Variants in FAM227A observed in about 807,000 individuals in gnomAD.
FAM227A encodes the protein protein FAM227A.
FAM227A carries 80 observed loss-of-function variants against 74.7 expected under a neutral mutation model. That is an observed-to-expected ratio of 1.07 (90% CI 0.89 to 1.29). The LOEUF is 1.29. FAM227A is among the 50% of genes most tolerant of loss of function. The pLI is 0.00. For synonymous variants in FAM227A, 237 were observed against 241.8 expected, an observed-to-expected ratio of 0.98 and a Z score of 0.19; for missense variants, 654 against 683.4, an observed-to-expected ratio of 0.96 and a Z score of 0.48.
chr22:38,621,529 T>C (rs1031882322), intron 10 of FAM227A, among the ~76,000 whole-genome samples: 3 of 152,094 alleles, frequency 2.0e-5, no homozygotes, highest in South Asian at 4.2e-4. Flanking sequence ...CGCTTGAACC[T>C]GGGAGGTGGA....
intron 13 of FAM227A, among the ~76,000 whole-genome samples, chr22:38,604,101 C>A (rs372151774): frequency 4.6e-5 from 7 of 152,040 alleles, no homozygotes; most frequent in South Asian, 4.2e-4. Flanking sequence ...CCGAAGGGGG[C>A]GGATCACCTG....
chr22:38,639,690 A>C lies in FAM227A; in HGVS notation c.260T>G (p.Leu87Ter). ...IERFELEKKA[L>*]REKTRSSPED... ...TGGACTGCTGCGAGTTTTCTCTCTT[A>C]AAGCCTTCTTCTCCAACTCAAATCT... The change falls in exon 4 of 17, where the codon TTA becomes TGA. Residue 87 changes from leucine (L) to a stop codon, truncating the protein, a stop_gained. Coordinates refer to ENST00000535113, the MANE Select transcript of FAM227A (RefSeq NM_001013647.2). LOFTEE classifies it high-confidence loss of function. 6.4e-7 allele frequency: 1 copy of C among 1,551,892 alleles called. No homozygotes were observed. The highest frequency in any genetic ancestry group is 8.7e-7 in the Non-Finnish European group (1 of 1,146,990).
At chr22:38,654,464 T>C (rs373297454) in intron 1 of FAM227A, among the ~76,000 whole-genome samples, 24 of 152,038 alleles carry the variant, frequency 1.6e-4, no homozygotes, top group African/African-American at 5.1e-4. Flanking sequence ...GCCATCAAAA[T>C]AGCACTAGCT....
chr22:38,612,752 GGAGTA>G (rs1218710974), intron 11 of FAM227A, among the ~76,000 whole-genome samples: 1 of 151,958 alleles, frequency 6.6e-6, no homozygotes, highest in Non-Finnish European at 1.5e-5. Flanking sequence ...GGTTTTTCAA[GGAGTA>G]GAGTAGAACT....
chr22:38,623,409 C>T, intron 9 of FAM227A, 130 bp from the exon 10 acceptor site: 1 of 578,506 alleles, frequency 1.7e-6, no homozygotes, highest in Non-Finnish European at 3.1e-6. Flanking sequence ...CATAGTGGGA[C>T]TCCGTCTCTA....
chr22:38,626,881 AAAAAAAAAAAAT>A (rs1569220767), intron 8 of FAM227A, among the ~76,000 whole-genome samples: 1 of 106,720 alleles, frequency 9.4e-6, no homozygotes, highest in Non-Finnish European at 1.9e-5. Flanking sequence ...AAAAAAAAAA[AAAAAAAAAAAAT>A]ATATATATAT....
Position 38,599,736 on chromosome 22 carries a change from C to T in FAM227A, c.1379+28G>A, listed in dbSNP as rs1159752325. 22 of 1,541,236 alleles carry T rather than the reference C, an allele frequency of 1.4e-5. 1 individual carries two copies. The highest frequency in any genetic ancestry group is 6.1e-5 in the South Asian group (5 of 82,126). ...GAGGACGCGGGGGCCTGGAGCAGTG[C>T]GCACCCTGCCCACAGTGACAAGGAT... On this transcript the variant is annotated intron_variant, in intron 14 of 16. Transcript: ENST00000535113.
intron 3 of FAM227A, among the ~76,000 whole-genome samples, chr22:38,640,715 G>C (rs996728281): frequency 1.2e-4 from 19 of 152,226 alleles, no homozygotes; most frequent in African/African-American, 4.6e-4. Flanking sequence ...ACGAATCAAA[G>C]TGAGGTCAAC....
At chr22:38,654,885 T>C (rs2092370053) in intron 1 of FAM227A, among the ~76,000 whole-genome samples, 1 of 150,996 alleles carries the variant, frequency 6.6e-6, no homozygotes. Flanking sequence ...GAGGCGGAGC[T>C]TGCAGTGAGC....
At position 38,620,193 on chromosome 22, in the gene FAM227A, T is replaced by G; in HGVS notation, c.1038+19A>C. The G allele has an allele frequency of 6.5e-7, 1 of 1,541,402 alleles. No individual in the cohort carries two copies. The highest frequency in any genetic ancestry group is 8.8e-7 in the Non-Finnish European group (1 of 1,138,434). ...TTATGGGACTCCAAAGGGGTCCTGG[T>G]CCGTGCCTCCCCACTTACCTGAGGG... On this transcript the variant is annotated intron_variant, in intron 11 of 16. Coordinates refer to ENST00000535113, the MANE Select transcript of FAM227A (RefSeq NM_001013647.2).
At chr22:38,654,949 AAAAT>A (rs530190566) in intron 1 of FAM227A, among the ~76,000 whole-genome samples, 28 of 147,886 alleles carry the variant, frequency 1.9e-4, no homozygotes, top group Non-Finnish European at 3.0e-4. Flanking sequence ...GACTCCATCT[AAAAT>A]AAATAAATAA....
At position 38,650,277 on chromosome 22, in the gene FAM227A, C is replaced by T; in HGVS notation, c.-94-15G>A. 1 of 1,090,848 alleles carries T rather than the reference C, an allele frequency of 9.2e-7. No individual in the cohort carries two copies. Among genetic ancestry groups the T allele is most frequent in the East Asian group, 2.6e-5 (1 of 38,760 alleles). 67.6% of individuals were successfully genotyped at this position (1,090,848 alleles called of 1,614,324 possible). A position where few individuals can be genotyped will look rare whatever the true frequency, so the allele number is the denominator to read the frequency against. ...TAATCAGCCTCCTGGAAATCATAAA[C>T]AGCATAGAGCCAGCTCAGAAAACAC... On this transcript the variant is annotated splice_polypyrimidine_tract_variant and intron_variant, in intron 1 of 16. Transcript: ENST00000535113.
intron 13 of FAM227A, among the ~76,000 whole-genome samples, chr22:38,603,315 C>T (rs2091215891): frequency 6.6e-6 from 1 of 151,980 alleles, no homozygotes; most frequent in Admixed American, 6.6e-5. Flanking sequence ...CGGCAAAACC[C>T]CATCTCTACT....
At chr22:38,625,672 G>A (rs548925375) in intron 9 of FAM227A, among the ~76,000 whole-genome samples, 1 of 151,614 alleles carries the variant, frequency 6.6e-6, no homozygotes, top group Non-Finnish European at 1.5e-5. Flanking sequence ...GGGGCCAGGC[G>A]CCATGGCTCA....
At chr22:38,588,933 AAAAAAAAAAAG>A (rs1330592010) in intron 16 of FAM227A, among the ~76,000 whole-genome samples, 1 of 151,554 alleles carries the variant, frequency 6.6e-6, no homozygotes, top group African/African-American at 2.4e-5. Context: ...ATCTCAAAAA[AAAAAAAAAAAG>A]AAAAAAAGAA....
rs1170319832 is a variant in FAM227A, at chr22:38,583,610, C to T, written c.*2515G>A. On this transcript the variant is annotated 3_prime_UTR_variant, in exon 17 of 17. Coordinates refer to ENST00000535113, the MANE Select transcript of FAM227A (RefSeq NM_001013647.2). ...CAACAACCCTCCTAGGCAGGCATTC[C>T]CTTTCTGCAGTCAAGAAAGCACGTT... is the stretch of plus-strand genomic sequence containing the variant. 3.9e-5 allele frequency: 6 copies of T among 152,308 alleles called. No homozygotes were observed. The highest frequency in any genetic ancestry group is 8.8e-5 in the Non-Finnish European group (6 of 68,152). 9.4% of individuals were successfully genotyped at this position (152,308 alleles called of 1,614,324 possible).
At chr22:38,634,646 CTG>C (rs1017921729) in intron 6 of FAM227A, among the ~76,000 whole-genome samples, 1 of 152,184 alleles carries the variant, frequency 6.6e-6, no homozygotes, top group African/African-American at 2.4e-5. Flanking sequence ...GTAACGAACA[CTG>C]TGGTGAGCAT....
At chr22:38,623,911 A>G (rs996003111) in intron 9 of FAM227A, among the ~76,000 whole-genome samples, 17 of 152,140 alleles carry the variant, frequency 1.1e-4, no homozygotes, top group Admixed American at 2.6e-4. Flanking sequence ...ATTACTTGAG[A>G]CATTTGAGCC....
chr22:38,650,077 C>G lies in FAM227A; in HGVS notation c.92G>C (p.Arg31Pro). 6.4e-7 allele frequency: 1 copy of G among 1,552,054 alleles called. No homozygotes were observed. The highest frequency in any genetic ancestry group is 8.7e-7 in the Non-Finnish European group (1 of 1,147,074). ...DEHLAVSLVA[R>P]NTMVKTVRKE... ...CCTCACAGTCTTCACCATTGTATTC[C>G]GTGCGACAAGCGAGACAGCCAGGTG... The change falls in exon 2 of 17, where the codon CGG becomes CCG. Residue 31 changes from arginine to proline, a missense_variant. Arg to Pro is a moderately radical substitution (Grantham distance 103). Coordinates refer to ENST00000535113, the MANE Select transcript of FAM227A (RefSeq NM_001013647.2).
Sources: gnomAD v4.1 joint callset for allele counts (sites outside exome capture counted in the v4.1 genomes callset) on GRCh38, gnomAD v4.1.1 for gene constraint, MANE v1.5 for transcripts, NCBI Gene and HGNC (gene_info 2026-07-23, HGNC 2026-07-21) for gene names.